The following MACROH2A1 variants were observed in gnomAD, a reference collection of about 807,000 sequenced individuals.
The protein encoded by MACROH2A1 is macroH2A.1 histone.
Under a neutral mutation model 31.6 loss-of-function variants are expected in MACROH2A1, and 2 were observed. That is an observed-to-expected ratio of 0.06 (90% CI 0.03 to 0.20). The LOEUF is 0.20. Ranked by LOEUF, MACROH2A1 falls within the 10% of genes least tolerant of loss-of-function variation. MACROH2A1 has a pLI of 1.00. For synonymous variants in MACROH2A1, 169 were observed against 189.6 expected (o/e 0.89, Z 0.89); for missense variants, 230 against 474.0 (o/e 0.49, Z 4.78).
intron 6 of MACROH2A1, 86 bp downstream of exon 6, chr5:135,352,860 A>C (rs1761744882): frequency 2.5e-6 from 2 of 800,306 alleles, no homozygotes; most frequent in Non-Finnish European, 2.2e-6. Context: ...GACCACTGTA[A>C]AGTCTGGGAA....
chr5:135,345,750 C>A (rs1760732772), intron 7 of MACROH2A1: 1 of 516,496 alleles, frequency 1.9e-6, no homozygotes, highest in Non-Finnish European at 3.5e-6. Context: ...CATATAGGAG[C>A]TATTTTAAGT....
chr5:135,377,565 G>A (rs1009923436), intron 2 of MACROH2A1, among the ~76,000 whole-genome samples: 1 of 152,216 alleles, frequency 6.6e-6, no homozygotes, highest in Non-Finnish European at 1.5e-5. Flanking sequence ...GGGAGGAGGC[G>A]ACGTCTGCAA....
In MACROH2A1 at chr5:135,360,811, A is replaced by G. The variant is rs958411916; in HGVS notation, c.478-204T>C. On this transcript the variant is annotated intron_variant, in intron 4 of 8. Transcript: ENST00000511689. ...GAGTGTGTTAAGTTATATGTTAATC[A>G]CTTTATGATCGTAAAAAAAAACCAG... is the stretch of plus-strand genomic sequence containing the variant. 8 of 689,880 alleles carry G rather than the reference A, an allele frequency of 1.2e-5. No homozygotes were observed. The South Asian group carries it at 1.2e-4, about 11-fold the overall frequency. The allele number at this position is 689,880 out of a possible 1,614,324, so 42.7% of individuals were successfully genotyped here.
At chr5:135,363,636 T>C (rs1763125056) in intron 4 of MACROH2A1, among the ~76,000 whole-genome samples, 2 of 152,262 alleles carry the variant, frequency 1.3e-5, no homozygotes, top group Non-Finnish European at 2.9e-5. Flanking sequence ...GCAATAAACA[T>C]ATGTGTGCAT....
At chr5:135,351,210 C>T (rs182020593) in intron 6 of MACROH2A1, 63 of 226,476 alleles carry the variant, frequency 2.8e-4, no homozygotes, top group Middle Eastern at 3.0e-3. Flanking sequence ...TGCCCCGTTT[C>T]ACTTCGCAAA....
At chr5:135,339,075 A>G (rs542715081) in intron 8 of MACROH2A1, among the ~76,000 whole-genome samples, 1 of 152,140 alleles carries the variant, frequency 6.6e-6, no homozygotes, top group Admixed American at 6.5e-5. Flanking sequence ...GGTTGTGTTT[A>G]TGGCATGTTC....
chr5:135,386,887 C>T (rs1315881681), intron 2 of MACROH2A1, among the ~76,000 whole-genome samples: 1 of 152,232 alleles, frequency 6.6e-6, no homozygotes, highest in Non-Finnish European at 1.5e-5. Flanking sequence ...TGTCTGTGAA[C>T]ACCCCAGGAA....
chr5:135,360,876 G>C (rs1218377466), intron 4 of MACROH2A1: 2 of 602,834 alleles, frequency 3.3e-6, no homozygotes, highest in Non-Finnish European at 6.0e-6. Context: ...TGATCATTTA[G>C]AATAGAACCA....
In MACROH2A1 at chr5:135,374,039, T is replaced by TGCA. The variant is rs1421681886; in HGVS notation, c.173-3900_173-3898dup. On this transcript the variant is annotated intron_variant, in intron 2 of 8. Transcript: ENST00000511689. ...TCAGTGTCCCACCCCTCTCCTGTGC[T>TGCA]GCAGCAGCAGAGGGCCGGGGCATTT... 8.5e-5 allele frequency among the ~76,000 whole-genome samples: 13 copies of TGCA among 152,160 alleles called. 1 individual carries two copies. The highest frequency in any genetic ancestry group is 1.6e-4 in the Non-Finnish European group (11 of 68,026).
chr5:135,385,555 T>C (rs537509280), intron 2 of MACROH2A1, among the ~76,000 whole-genome samples: 1 of 152,304 alleles, frequency 6.6e-6, no homozygotes, highest in South Asian at 2.1e-4. Context: ...GACCAGACCC[T>C]AAGCTGCTTG....
intron 6 of MACROH2A1, among the ~76,000 whole-genome samples, chr5:135,349,712 G>A (rs997281375): frequency 2.6e-5 from 4 of 152,138 alleles, no homozygotes; most frequent in Non-Finnish European, 5.9e-5. Flanking sequence ...ATTCTCTTTG[G>A]AAGCTGGTAT....
intron 2 of MACROH2A1, among the ~76,000 whole-genome samples, chr5:135,388,335 C>G (rs1766707687): frequency 6.6e-6 from 1 of 152,084 alleles, no homozygotes; most frequent in Non-Finnish European, 1.5e-5. Flanking sequence ...CGGGACAAAC[C>G]ACGTCAGGTG....
intron 2 of MACROH2A1, among the ~76,000 whole-genome samples, 173 bp from the exon 3 acceptor site, chr5:135,370,315 G>A (rs1764019009): frequency 6.6e-6 from 1 of 152,222 alleles, no homozygotes; most frequent in Non-Finnish European, 1.5e-5. Context: ...AAAGCTGAGT[G>A]GGACCTAGGA....
chr5:135,393,537 A>G (rs1167991176), intron 1 of MACROH2A1, among the ~76,000 whole-genome samples: 1 of 152,234 alleles, frequency 6.6e-6, no homozygotes, highest in Non-Finnish European at 1.5e-5. Flanking sequence ...TACATCATAG[A>G]CAAAGCAGCT....
chr5:135,376,612 C>T (rs1158075522), intron 2 of MACROH2A1, among the ~76,000 whole-genome samples: 1 of 152,172 alleles, frequency 6.6e-6, no homozygotes, highest in Non-Finnish European at 1.5e-5. Flanking sequence ...GTGGTGAGAG[C>T]CCGGGGTCTG....
Position 135,369,898 on chromosome 5 carries a change from A to T in MACROH2A1, c.279+138T>A, listed in dbSNP as rs1763969080. 3 of 636,578 alleles carry T rather than the reference A, an allele frequency of 4.7e-6. No homozygotes were observed. The highest frequency in any genetic ancestry group is 8.3e-6 in the Non-Finnish European group (3 of 362,314). 39.4% of individuals were successfully genotyped at this position (636,578 alleles called of 1,614,324 possible). On this transcript the variant is annotated intron_variant, in intron 3 of 8. Coordinates refer to ENST00000511689, the MANE Select transcript of MACROH2A1 (RefSeq NM_138610.3). The surrounding 1 kb of genome is among the most constrained non-coding windows in gnomAD (Gnocchi z 4.3). Reference sequence around the variant, plus strand: ...GGCCTTGGGGAAAAACTGCCATGGGAGGCAGAGAAGCTGCTAATTAATCCA... The same window carrying T: ...GGCCTTGGGGAAAAACTGCCATGGGTGGCAGAGAAGCTGCTAATTAATCCA...
chr5:135,389,299 G>A, intron 1 of MACROH2A1, 173 bp from the exon 2 acceptor site: 1 of 424,970 alleles, frequency 2.4e-6, no homozygotes, highest in Non-Finnish European at 4.2e-6. Flanking sequence ...TTTGATCCCT[G>A]AAAAGAAAGG....
At chr5:135,396,213 C>G (rs896143979) in intron 1 of MACROH2A1, among the ~76,000 whole-genome samples, 1 of 152,220 alleles carries the variant, frequency 6.6e-6, no homozygotes, top group Admixed American at 6.5e-5. Flanking sequence ...CTTAAGATAA[C>G]CAGTCTCACG....
At chr5:135,358,552 A>C in intron 5 of MACROH2A1, 1 of 985,410 alleles carries the variant, frequency 1.0e-6, no homozygotes, top group Non-Finnish European at 1.2e-6. Flanking sequence ...GTCTACATTC[A>C]GCCCCTCTTA....
Sources: allele counts gnomAD v4.1 joint callset (sites outside exome capture counted in the v4.1 genomes callset), GRCh38; gene constraint gnomAD v4.1.1; non-coding constraint Gnocchi (gnomAD v3.1); transcripts MANE v1.5; gene names NCBI Gene and HGNC (gene_info 2026-07-23, HGNC 2026-07-21).